Variants in TSPEAR observed in about 807,000 individuals in gnomAD.
TSPEAR encodes thrombospondin type laminin G domain and EAR repeats.
Under a neutral mutation model 71.6 loss-of-function variants are expected in TSPEAR, and 69 were observed. The ratio of observed to expected loss-of-function variants is 0.96; its 90% CI spans 0.79 to 1.18. TSPEAR has a LOEUF of 1.18. TSPEAR is among the 50% of genes most tolerant of loss of function. The pLI, the probability that TSPEAR is intolerant of heterozygous loss-of-function variation, is 0.00. For missense variants in TSPEAR, 971 were observed against 894.9 expected, an observed-to-expected ratio of 1.09 and a Z score of -1.09; for synonymous variants, 402 against 387.2, an observed-to-expected ratio of 1.04 and a Z score of -0.45.
chr21:44,571,299 C>T (rs1459817776), intron 1 of TSPEAR, among the ~76,000 whole-genome samples: 1 of 152,264 alleles, frequency 6.6e-6, no homozygotes, highest in Non-Finnish European at 1.5e-5. Context: ...ATCCTCCTGC[C>T]TTGGCCTCCC....
At chr21:44,615,090 G>C (rs1483065707) in intron 1 of TSPEAR, among the ~76,000 whole-genome samples, 7 of 152,368 alleles carry the variant, frequency 4.6e-5, no homozygotes, top group Non-Finnish European at 1.0e-4. Flanking sequence ...AAGAGGCGGG[G>C]CCGTATCCTA....
At chr21:44,689,739 A>ATATATATTTTTTTTT (rs1555949531) in intron 1 of TSPEAR, among the ~76,000 whole-genome samples, 1 of 128,174 alleles carries the variant, frequency 7.8e-6, no homozygotes, top group African/African-American at 3.2e-5. Context: ...ATATATATAT[A>ATATATATTTTTTTTT]TTTTGGGGGG....
intron 9 of TSPEAR, among the ~76,000 whole-genome samples, chr21:44,510,414 T>C (rs1555912473): frequency 6.6e-6 from 1 of 152,190 alleles, no homozygotes; most frequent in African/African-American, 2.4e-5. Flanking sequence ...GAGCCTCCCG[T>C]GACAGCAACC....
intron 1 of TSPEAR, among the ~76,000 whole-genome samples, chr21:44,675,211 G>T (rs188508615): frequency 1.3e-5 from 2 of 152,160 alleles, no homozygotes; most frequent in Middle Eastern, 3.4e-3. Flanking sequence ...GCAGCCCATC[G>T]AAAAGATAAT....
At chr21:44,619,555 A>G (rs1982316281) in intron 1 of TSPEAR, among the ~76,000 whole-genome samples, 1 of 152,234 alleles carries the variant, frequency 6.6e-6, no homozygotes, top group Non-Finnish European at 1.5e-5. Context: ...CTTTCAATCA[A>G]CTCTCTTAAA....
At chr21:44,680,170 G>A (rs1986510502) in intron 1 of TSPEAR, among the ~76,000 whole-genome samples, 1 of 151,970 alleles carries the variant, frequency 6.6e-6, no homozygotes, top group African/African-American at 2.4e-5. Flanking sequence ...AATATGTAAG[G>A]AACTCAAACA....
chr21:44,676,917 TGCACGG>T, intron 1 of TSPEAR: 2 of 890,108 alleles, frequency 2.2e-6, no homozygotes, highest in Non-Finnish European at 3.8e-6. Flanking sequence ...TGTGACGATG[TGCACGG>T]GCAATCAGGG....
At chr21:44,525,550 G>T in intron 8 of TSPEAR, 103 bp downstream of exon 8, 1 of 1,222,246 alleles carries the variant, frequency 8.2e-7, no homozygotes, top group Non-Finnish European at 1.2e-6. Context: ...TGTGCTGCAT[G>T]TGGCTTATTG....
chr21:44,700,189 T>C (rs1393659425), intron 1 of TSPEAR, among the ~76,000 whole-genome samples: 5 of 152,154 alleles, frequency 3.3e-5, no homozygotes, highest in Non-Finnish European at 7.4e-5. Flanking sequence ...TGGAGAAAGA[T>C]AGGAAGAACT....
Position 44,612,339 on chromosome 21 carries a change from GC to G in TSPEAR, c.83-44335del. The G allele has an allele frequency of 3.7e-6, 6 of 1,613,818 alleles. No homozygotes were observed. The highest frequency in any genetic ancestry group is 5.1e-6 in the Non-Finnish European group (6 of 1,180,006). On this transcript the variant is annotated intron_variant, in intron 1 of 11. Transcript: ENST00000323084. The surrounding 1 kb of genome is among the most constrained non-coding windows in gnomAD (Gnocchi z 4.1). ...CTGGCCCTGGTCTGTGCCCCAGTGA[GC>G]TGTGAGCCCAGCCCCTGCCAATCAG...
chr21:44,623,460 C>G lies in TSPEAR; in HGVS notation c.83-55455G>C, dbSNP rs1569225167. Among the ~76,000 whole-genome samples the G allele has an allele frequency of 6.6e-6, 1 of 152,248 alleles. No individual in the cohort carries two copies. Among genetic ancestry groups the G allele is most frequent in the South Asian group, 2.1e-4 (1 of 4,834 alleles). On this transcript the variant is annotated intron_variant, in intron 1 of 11. Transcript: ENST00000323084. This position sits in a 1 kb window ranked among gnomAD's most constrained non-coding sequence, Gnocchi z 4.5. ...CATTTCTATAAATATTTTACAACTT[C>G]TAAGACATCTTATACAGTAAATATT...
chr21:44,689,167 T>C (rs1467919497), intron 1 of TSPEAR, among the ~76,000 whole-genome samples: 1 of 151,810 alleles, frequency 6.6e-6, no homozygotes, highest in Non-Finnish European at 1.5e-5. Flanking sequence ...AACTAACATA[T>C]CACTGCACCC....
intron 1 of TSPEAR, among the ~76,000 whole-genome samples, chr21:44,599,798 G>C (rs897742755): frequency 2.0e-5 from 3 of 152,258 alleles, no homozygotes; most frequent in African/African-American, 4.8e-5. Context: ...TGGCAATCAA[G>C]AAAACACACT....
intron 2 of TSPEAR, chr21:44,558,630 G>T: frequency 6.2e-7 from 1 of 1,612,880 alleles, no homozygotes; most frequent in Middle Eastern, 1.9e-4. Flanking sequence ...GCAGCAGGGG[G>T]GCTCACAGCA....
chr21:44,670,822 T>A (rs1262235412), intron 1 of TSPEAR, among the ~76,000 whole-genome samples: 1 of 152,138 alleles, frequency 6.6e-6, no homozygotes, highest in Non-Finnish European at 1.5e-5. Flanking sequence ...ACAGATCTTG[T>A]ATCTCCACAT....
rs187268180 is a variant in TSPEAR at position 44,645,924 on chromosome 21, G to A, written c.82+65509C>T. Among the ~76,000 whole-genome samples, 1,369 of 151,302 alleles carry A rather than the reference G, an allele frequency of 9.0e-3. 17 individuals are homozygous for A. Among genetic ancestry groups the A allele is most frequent in the Middle Eastern group, 0.041 (12 of 292 alleles). The stretch of plus-strand genomic sequence containing the variant: ...GGAGGCTGAGGCGGGTAGATCATGA[G>A]GTCAGGAGTTCAAGACCAGCCTGGC... On this transcript the variant is annotated intron_variant, in intron 1 of 11. Coordinates refer to ENST00000323084, the MANE Select transcript of TSPEAR (RefSeq NM_144991.3).
intron 2 of TSPEAR, chr21:44,539,124 T>A: frequency 8.9e-7 from 1 of 1,117,930 alleles, no homozygotes; most frequent in Non-Finnish European, 1.2e-6. Context: ...AGGCAAGAGC[T>A]GGGGAGCTGC....
chr21:44,513,692 C>G (rs892945991), intron 9 of TSPEAR, among the ~76,000 whole-genome samples: 4 of 152,214 alleles, frequency 2.6e-5, no homozygotes, highest in Non-Finnish European at 5.9e-5. Flanking sequence ...GGATTAGTTG[C>G]TGGGCAAAGA....
intron 1 of TSPEAR, chr21:44,657,975 C>T (rs781892483): frequency 6.2e-7 from 1 of 1,611,546 alleles, no homozygotes; most frequent in Admixed American, 1.7e-5. Context: ...CAGCCACACG[C>T]CACCATGTGC....
Sources: gnomAD v4.1 joint callset for allele counts (sites outside exome capture counted in the v4.1 genomes callset) on GRCh38, gnomAD v4.1.1 for gene constraint, Gnocchi (gnomAD v3.1) non-coding constraint, MANE v1.5 for transcripts, NCBI Gene and HGNC (gene_info 2026-07-23, HGNC 2026-07-21) for gene names.